The following PDE8A variants were observed in gnomAD, a reference collection of about 807,000 sequenced individuals.
The protein encoded by PDE8A is phosphodiesterase 8A, also known as high affinity cAMP-specific and IBMX-insensitive 3',5'-cyclic phosphodiesterase 8A.
Under a neutral mutation model 105.0 loss-of-function variants are expected in PDE8A, and 59 were observed. The ratio of observed to expected loss-of-function variants is 0.56; its 90% confidence interval spans 0.46 to 0.70. The LOEUF (loss-of-function observed/expected upper bound fraction) is 0.70. Among genes scored for constraint, PDE8A ranks in the 30% least tolerant of loss-of-function variants. PDE8A has a pLI of 0.00. For synonymous variants in PDE8A, 355 were observed against 371.9 expected, an observed-to-expected ratio of 0.95 and a Z score of 0.52; for missense variants, 1,014 against 1,045.9, an observed-to-expected ratio of 0.97 and a Z score of 0.42.
At chr15:84,991,669 C>A (rs1310655835) in intron 1 of PDE8A, among the ~76,000 whole-genome samples, 1 of 152,150 alleles carries the variant, frequency 6.6e-6, no homozygotes, top group Non-Finnish European at 1.5e-5. Flanking sequence ...TAATTCCAAA[C>A]TTTCCTGTAA....
At chr15:85,054,299 G>T (rs1445274649) in intron 1 of PDE8A, among the ~76,000 whole-genome samples, 2 of 152,122 alleles carry the variant, frequency 1.3e-5, no homozygotes, top group Non-Finnish European at 2.9e-5. Flanking sequence ...TTGTGTCTCT[G>T]CCAGGCTTTG....
chr15:85,075,470 C>T (rs1037534554), intron 3 of PDE8A, among the ~76,000 whole-genome samples: 11 of 152,180 alleles, frequency 7.2e-5, no homozygotes, highest in Non-Finnish European at 1.5e-4. Context: ...GTAAGCATAG[C>T]CATCATCTTG....
intron 1 of PDE8A, among the ~76,000 whole-genome samples, chr15:85,011,952 C>CA: frequency 6.6e-6 from 1 of 152,332 alleles, no homozygotes; most frequent in East Asian, 1.9e-4. Flanking sequence ...AAAAAATGCT[C>CA]ACCATCACTG....
intron 1 of PDE8A, among the ~76,000 whole-genome samples, chr15:85,058,803 T>A (rs1190480671): frequency 6.6e-6 from 1 of 152,176 alleles, no homozygotes; most frequent in Non-Finnish European, 1.5e-5. Context: ...TTTTTCTCCA[T>A]CTTGCTAAAG....
chr15:85,038,112 C>G (rs1304797973), intron 1 of PDE8A, among the ~76,000 whole-genome samples: 1 of 152,084 alleles, frequency 6.6e-6, no homozygotes, highest in African/African-American at 2.4e-5. Flanking sequence ...TTGATGAGCT[C>G]ACTTTCTTTT....
At chr15:85,126,417 T>G (rs1291746353) in intron 20 of PDE8A, 43 bp downstream of exon 20, 3 of 1,259,634 alleles carry the variant, frequency 2.4e-6, no homozygotes, top group Admixed American at 4.7e-5. Context: ...GAGAGAGAGT[T>G]AAAACCCATA....
At chr15:84,990,959 T>G (rs2079876495) in intron 1 of PDE8A, among the ~76,000 whole-genome samples, 2 of 152,252 alleles carry the variant, frequency 1.3e-5, no homozygotes, top group African/African-American at 4.8e-5. Context: ...ATTGTGGTTT[T>G]GATTTGTATT....
At chr15:85,097,304 G>T (rs1438471536) in intron 8 of PDE8A, among the ~76,000 whole-genome samples, 1 of 152,102 alleles carries the variant, frequency 6.6e-6, no homozygotes, top group Non-Finnish European at 1.5e-5. Flanking sequence ...GTTCTGTGTA[G>T]CCCTCTTTCC....
intron 1 of PDE8A, among the ~76,000 whole-genome samples, chr15:85,005,065 A>G (rs2142188095): frequency 6.6e-6 from 1 of 152,212 alleles, no homozygotes; most frequent in East Asian, 1.9e-4. Context: ...CATTTATCTT[A>G]CACATTGCAG....
chr15:85,097,928 T>C lies in PDE8A; in HGVS notation c.853-20T>C, dbSNP rs1320355675. The C allele has an allele frequency of 7.7e-7, 1 of 1,305,644 alleles. No homozygotes were observed. The highest frequency in any genetic ancestry group is 1.1e-6 in the Non-Finnish European group (1 of 900,228). 80.9% of individuals were successfully genotyped at this position (1,305,644 alleles called of 1,614,324 possible). On this transcript the variant is annotated intron_variant, in intron 8 of 21. Coordinates refer to ENST00000394553, the MANE Select transcript of PDE8A (RefSeq NM_002605.3). The stretch of plus-strand genomic sequence containing the variant: ...ATGTTTTCAACACAAAGTATGACGA[T>C]GCTTACATTCCATTTATAGGAGTGG...
rs1296581264 is a variant in PDE8A at position 85,138,148 on chromosome 15, A to T, written c.*245A>T. ...GAGCTCTTCAGAAAGGCACATGAGG[A>T]CCACGGTTTGCCTCAGTTTCTGGTA... On this transcript the variant is annotated 3_prime_UTR_variant, in exon 22 of 22. Transcript: ENST00000394553. The T allele has an allele frequency of 2.4e-6, 1 of 413,618 alleles. No homozygotes were observed. The highest frequency in any genetic ancestry group is 4.4e-6 in the Non-Finnish European group (1 of 229,464). 25.6% of individuals were successfully genotyped at this position (413,618 alleles called of 1,614,324 possible).
At chr15:84,999,719 C>T (rs1305068184) in intron 1 of PDE8A, among the ~76,000 whole-genome samples, 1 of 152,136 alleles carries the variant, frequency 6.6e-6, no homozygotes, top group Non-Finnish European at 1.5e-5. Flanking sequence ...GGACTACTGG[C>T]GGGCACCAGT....
At chr15:85,051,970 C>T (rs1026602353) in intron 1 of PDE8A, among the ~76,000 whole-genome samples, 1 of 151,728 alleles carries the variant, frequency 6.6e-6, no homozygotes, top group African/African-American at 2.4e-5. Context: ...ATCCCCTCCC[C>T]CCTCCCCACA....
intron 8 of PDE8A, among the ~76,000 whole-genome samples, chr15:85,095,106 A>G (rs1022426369): frequency 1.3e-5 from 2 of 152,150 alleles, no homozygotes; most frequent in African/African-American, 4.8e-5. Context: ...GACTGCATCA[A>G]TAGCTTGGTG....
At chr15:85,132,917 T>C (rs1326871249) in intron 20 of PDE8A, among the ~76,000 whole-genome samples, 1 of 152,204 alleles carries the variant, frequency 6.6e-6, no homozygotes, top group African/African-American at 2.4e-5. Flanking sequence ...GTCCAGTGCC[T>C]GTACATCTTT....
At chr15:85,136,274 T>C (rs2082407993) in intron 20 of PDE8A, among the ~76,000 whole-genome samples, 1 of 152,262 alleles carries the variant, frequency 6.6e-6, no homozygotes, top group African/African-American at 2.4e-5. Flanking sequence ...CCTGAAGAGC[T>C]TCTGCAAGGA....
chr15:84,986,551 G>A (rs1258320866), intron 1 of PDE8A, among the ~76,000 whole-genome samples: 6 of 151,490 alleles, frequency 4.0e-5, no homozygotes, highest in Admixed American at 3.9e-4. Flanking sequence ...TGTTACTTAA[G>A]TAACATTTGG....
intron 12 of PDE8A, among the ~76,000 whole-genome samples, chr15:85,110,166 C>G (rs1027693169): frequency 6.6e-6 from 1 of 152,136 alleles, no homozygotes; most frequent in Admixed American, 6.5e-5. Flanking sequence ...TTGTAGCTGT[C>G]GTGATTACAG....
intron 1 of PDE8A, among the ~76,000 whole-genome samples, chr15:85,013,764 G>A (rs547774568): frequency 2.0e-5 from 3 of 152,358 alleles, no homozygotes; most frequent in Admixed American, 6.5e-5. Flanking sequence ...TCTCTCTTGA[G>A]GTTGCAGTCA....
Sources: allele counts gnomAD v4.1 joint callset (sites outside exome capture counted in the v4.1 genomes callset), GRCh38; gene constraint gnomAD v4.1.1; transcripts MANE v1.5; gene names NCBI Gene and HGNC (gene_info 2026-07-23, HGNC 2026-07-21).